The following ST6GALNAC3 variants were observed in gnomAD, a reference collection of about 807,000 sequenced individuals.
The protein encoded by ST6GALNAC3 is ST6 N-acetylgalactosaminide alpha-2,6-sialyltransferase 3.
ST6GALNAC3 carries 25 observed loss-of-function variants against 32.7 expected under a neutral mutation model. The ratio of observed to expected loss-of-function variants is 0.76; its 90% confidence interval spans 0.56 to 1.07. The LOEUF (loss-of-function observed/expected upper bound fraction) is 1.07, where lower values mean the gene tolerates loss of function less well. Among genes scored for constraint, ST6GALNAC3 ranks in the 50% least tolerant of loss-of-function variants. The pLI is 0.00. For missense variants in ST6GALNAC3, 355 were observed against 382.4 expected, an observed-to-expected ratio of 0.93 and a Z score of 0.60; for synonymous variants, 129 against 133.1, an observed-to-expected ratio of 0.97 and a Z score of 0.21.
At position 76,228,283 on chromosome 1, in the gene ST6GALNAC3, G is replaced by A. The variant is rs975165651; in HGVS notation, c.19-85522G>A. On this transcript the variant is annotated intron_variant, in intron 1 of 4. Transcript: ENST00000328299. Reference sequence around the variant, plus strand: ...ATGCTATTTTCAAATCATGATTCCTGTAAGAACAATCTCTGCCACTAAAGT... The same window carrying A: ...ATGCTATTTTCAAATCATGATTCCTATAAGAACAATCTCTGCCACTAAAGT... Among the ~76,000 whole-genome samples, 3 of 152,158 alleles carry A rather than the reference G, an allele frequency of 2.0e-5. No homozygotes were observed. The South Asian group carries it at 6.2e-4, about 32-fold the overall frequency.
At chr1:76,330,209 G>A (rs1341808434) in intron 2 of ST6GALNAC3, among the ~76,000 whole-genome samples, 1 of 151,994 alleles carries the variant, frequency 6.6e-6, no homozygotes, top group African/African-American at 2.4e-5. Flanking sequence ...CTGGAGTGCA[G>A]TGGCGTGATC....
chr1:76,456,691 T>G, intron 3 of ST6GALNAC3, among the ~76,000 whole-genome samples: 1 of 152,200 alleles, frequency 6.6e-6, no homozygotes, highest in East Asian at 1.9e-4. Context: ...TAGGTATTGA[T>G]GAGACGTATC....
chr1:76,104,028 T>C (rs140130896), intron 1 of ST6GALNAC3, among the ~76,000 whole-genome samples: 90 of 152,330 alleles, frequency 5.9e-4, no homozygotes, highest in African/African-American at 2.0e-3. Flanking sequence ...CATTGTACGT[T>C]GAAATTCTCA....
At chr1:76,558,883 C>A (rs1665081312) in intron 3 of ST6GALNAC3, among the ~76,000 whole-genome samples, 1 of 151,902 alleles carries the variant, frequency 6.6e-6, no homozygotes, top group South Asian at 2.1e-4. Context: ...TATGTGGGAC[C>A]ATTCTGTATT....
chr1:76,483,340 A>G (rs1214199788), intron 3 of ST6GALNAC3, among the ~76,000 whole-genome samples: 2 of 152,184 alleles, frequency 1.3e-5, no homozygotes, highest in Non-Finnish European at 2.9e-5. Context: ...CAGTCCCACC[A>G]ACAGTGTAAA....
chr1:76,521,987 TGAACTCAG>T (rs1662569884), intron 3 of ST6GALNAC3, among the ~76,000 whole-genome samples: 1 of 151,784 alleles, frequency 6.6e-6, no homozygotes, highest in African/African-American at 2.4e-5. Flanking sequence ...GAGAATTGCT[TGAACTCAG>T]GAACTCAGGA....
At chr1:76,627,681 C>A (rs1649061898) in intron 4 of ST6GALNAC3, 122 bp downstream of exon 4, 9 of 830,762 alleles carry the variant, frequency 1.1e-5, no homozygotes, top group Non-Finnish European at 1.8e-5. Flanking sequence ...TCCCAGTGTT[C>A]TTTGCTGACA....
At chr1:76,518,918 T>A (rs2101782224) in intron 3 of ST6GALNAC3, among the ~76,000 whole-genome samples, 1 of 152,014 alleles carries the variant, frequency 6.6e-6, no homozygotes, top group South Asian at 2.1e-4. Flanking sequence ...TACAAAAAAA[T>A]TAGCCAAGCA....
At chr1:76,132,560 AC>A (rs1428638415) in intron 1 of ST6GALNAC3, among the ~76,000 whole-genome samples, 1 of 152,180 alleles carries the variant, frequency 6.6e-6, no homozygotes, top group African/African-American at 2.4e-5. Flanking sequence ...TTTAGAAGCC[AC>A]AACCACATTG....
At chr1:76,416,829 T>C (rs1654670352) in intron 3 of ST6GALNAC3, among the ~76,000 whole-genome samples, 1 of 152,020 alleles carries the variant, frequency 6.6e-6, no homozygotes, top group Non-Finnish European at 1.5e-5. Flanking sequence ...GGTTTCACCA[T>C]ATTGACCAGG....
intron 1 of ST6GALNAC3, among the ~76,000 whole-genome samples, chr1:76,312,757 G>A (rs1646790728): frequency 6.6e-6 from 1 of 152,008 alleles, no homozygotes; most frequent in Admixed American, 6.6e-5. Flanking sequence ...GATATCTGAG[G>A]CAATTCAGAA....
chr1:76,562,691 T>C (rs1665315636), intron 3 of ST6GALNAC3, among the ~76,000 whole-genome samples: 1 of 152,232 alleles, frequency 6.6e-6, no homozygotes, highest in Non-Finnish European at 1.5e-5. Context: ...CCATTGTCTT[T>C]CATTGTGCCT....
At chr1:76,261,930 G>C (rs1212982139) in intron 1 of ST6GALNAC3, among the ~76,000 whole-genome samples, 1 of 152,180 alleles carries the variant, frequency 6.6e-6, no homozygotes, top group Non-Finnish European at 1.5e-5. Context: ...ATCTGGAATG[G>C]AGAACCTCCA....
intron 1 of ST6GALNAC3, among the ~76,000 whole-genome samples, chr1:76,276,367 A>G (rs1325121496): frequency 6.6e-6 from 1 of 152,106 alleles, no homozygotes; most frequent in East Asian, 1.9e-4. Context: ...ACAATCCTAA[A>G]CAATATATTT....
chr1:76,532,925 T>C (rs1166071012), intron 3 of ST6GALNAC3, among the ~76,000 whole-genome samples: 1 of 152,134 alleles, frequency 6.6e-6, no homozygotes, highest in Non-Finnish European at 1.5e-5. Flanking sequence ...GAGACTCTGC[T>C]TATTAGGATA....
intron 1 of ST6GALNAC3, among the ~76,000 whole-genome samples, chr1:76,159,805 C>T (rs1174903610): frequency 6.6e-6 from 1 of 152,190 alleles, no homozygotes; most frequent in Admixed American, 6.5e-5. Flanking sequence ...ATGCCATAAA[C>T]TGTGCTAAGG....
chr1:76,563,783 A>C (rs926323553), intron 3 of ST6GALNAC3, among the ~76,000 whole-genome samples: 1 of 152,208 alleles, frequency 6.6e-6, no homozygotes, highest in African/African-American at 2.4e-5. Flanking sequence ...AAATCAAGTA[A>C]AGCCCATAGA....
chr1:76,484,661 T>C (rs962095989), intron 3 of ST6GALNAC3, among the ~76,000 whole-genome samples: 6 of 152,232 alleles, frequency 3.9e-5, no homozygotes, highest in African/African-American at 1.4e-4. Context: ...AATCATGTCA[T>C]CTGCAAACAG....
chr1:76,580,799 T>C (rs552912152), intron 3 of ST6GALNAC3, among the ~76,000 whole-genome samples: 1 of 152,144 alleles, frequency 6.6e-6, no homozygotes, highest in South Asian at 2.1e-4. Context: ...TAAGAGAGAG[T>C]TGATATTGCA....
Sources: allele counts gnomAD v4.1 joint callset (sites outside exome capture counted in the v4.1 genomes callset), GRCh38; gene constraint gnomAD v4.1.1; transcripts MANE v1.5; gene names NCBI Gene and HGNC (gene_info 2026-07-23, HGNC 2026-07-21).